The following SCN3A variants were observed in gnomAD, a reference collection of about 807,000 sequenced individuals.
The protein encoded by SCN3A is sodium voltage-gated channel alpha subunit 3.
A neutral mutation model predicts 187.6 loss-of-function variants in SCN3A; 60 were observed. The observed-to-expected ratio is 0.32, with a 90% CI of 0.26 to 0.40. SCN3A has a LOEUF of 0.40. SCN3A is among the 10% of genes least tolerant of loss of function. The probability of loss-of-function intolerance (pLI) is 1.00; values close to 1 mark genes in which losing one functional copy is unlikely to be tolerated. For synonymous variants in SCN3A, 788 were observed against 829.2 expected (o/e 0.95, Z 0.85); for missense variants, 1,601 against 2,428.2 (o/e 0.66, Z 7.16).
intron 21 of SCN3A, among the ~76,000 whole-genome samples, chr2:165,112,435 T>G (rs745356392): frequency 8.5e-5 from 13 of 152,244 alleles, no homozygotes; most frequent in African/African-American, 9.6e-5. Context: ...TGGGTTAATT[T>G]CACAGTATTT....
Position 165,144,321 on chromosome 2 carries a change from A to G in SCN3A, c.1671+2418T>C, listed in dbSNP as rs557816652. 2.0e-5 allele frequency among the ~76,000 whole-genome samples: 3 copies of G among 148,156 alleles called. No homozygotes were observed. The Admixed American group carries it at 2.0e-4, about 10-fold the overall frequency. The stretch of plus-strand genomic sequence containing the variant: ...TTAAAACTAATAGATTATTTCCTTC[A>G]CTTTTGAAATTATCCATCTATCTTC... On this transcript the variant is annotated intron_variant, in intron 12 of 27. Transcript: ENST00000283254.
intron 5 of SCN3A, among the ~76,000 whole-genome samples, chr2:165,166,819 G>A (rs1427316994): frequency 1.3e-5 from 2 of 152,088 alleles, no homozygotes; most frequent in Non-Finnish European, 2.9e-5. Flanking sequence ...ACTTTCTAAA[G>A]CTAAGACTGC....
intron 25 of SCN3A, 48 bp from the exon 26 acceptor site, chr2:165,094,526 C>T (rs1685265081): frequency 8.2e-7 from 1 of 1,213,918 alleles, no homozygotes; most frequent in Non-Finnish European, 1.2e-6. Context: ...TCCAATAGTA[C>T]TTTCACAAAA....
intron 5 of SCN3A, among the ~76,000 whole-genome samples, chr2:165,166,417 G>A (rs1250087623): frequency 2.0e-5 from 3 of 152,148 alleles, no homozygotes; most frequent in Non-Finnish European, 1.5e-5. Flanking sequence ...TTCTGTCTAT[G>A]TTCCTGTAAC....
chr2:165,154,662 G>C lies in SCN3A; in HGVS notation c.1174-4C>G. On this transcript the variant is annotated splice_polypyrimidine_tract_variant and splice_region_variant and intron_variant, in intron 10 of 27. Transcript: ENST00000283254. ...TTTTCCCAGCAGCACGTAATGTCTA[G>C]GGGAAATGGGGGATAATTCCATCAG... is the stretch of plus-strand genomic sequence containing the variant. 6 of 1,608,260 alleles carry C rather than the reference G, an allele frequency of 3.7e-6. No individual in the cohort carries two copies. The highest frequency in any genetic ancestry group is 5.1e-6 in the Non-Finnish European group (6 of 1,174,724).
intron 12 of SCN3A, among the ~76,000 whole-genome samples, chr2:165,141,272 G>A (rs1687998982): frequency 6.6e-6 from 1 of 152,136 alleles, no homozygotes; most frequent in Non-Finnish European, 1.5e-5. Context: ...GGTGGATTGG[G>A]TTATCATAAT....
At chr2:165,175,037 A>G (rs1159967023) in intron 3 of SCN3A, among the ~76,000 whole-genome samples, 6 of 152,316 alleles carry the variant, frequency 3.9e-5, no homozygotes, top group African/African-American at 1.2e-4. Flanking sequence ...GGTAATCTGT[A>G]TGGATGTGCA....
intron 21 of SCN3A, among the ~76,000 whole-genome samples, chr2:165,104,069 TC>T (rs1477867806): frequency 1.3e-5 from 2 of 152,090 alleles, no homozygotes; most frequent in Non-Finnish European, 2.9e-5. Flanking sequence ...TAAACAATAA[TC>T]TAATTATTTT....
intron 9 of SCN3A, among the ~76,000 whole-genome samples, chr2:165,157,701 T>C (rs746458876): frequency 1.3e-5 from 2 of 152,244 alleles, no homozygotes; most frequent in Non-Finnish European, 2.9e-5. Context: ...CCAAAATTAT[T>C]TGAAATTATT....
chr2:165,181,868 A>G (rs894245215), intron 2 of SCN3A, among the ~76,000 whole-genome samples: 2 of 152,208 alleles, frequency 1.3e-5, no homozygotes, highest in Non-Finnish European at 2.9e-5. Flanking sequence ...ATTTCATCAT[A>G]CAGAATGTTA....
chr2:165,146,380 ATATGTGTGTGTGTGTGTGTGTG>A (rs1268332954), intron 12 of SCN3A, among the ~76,000 whole-genome samples: 1 of 90,512 alleles, frequency 1.1e-5, no homozygotes, highest in African/African-American at 3.7e-5. Context: ...ATATATATAT[ATATGTGTGTGTGTGTGTGTGTG>A]TGTGTGTGTG....
At chr2:165,093,970 C>T (rs1320022791) in intron 26 of SCN3A, 3 of 201,666 alleles carry the variant, frequency 1.5e-5, no homozygotes, top group South Asian at 9.2e-5. Context: ...TTTGATGACA[C>T]CTTTTCCCTT....
chr2:165,184,483 G>GAAAAAAAAAA (rs397986547), intron 2 of SCN3A, among the ~76,000 whole-genome samples: 1 of 59,568 alleles, frequency 1.7e-5, no homozygotes, highest in Non-Finnish European at 4.0e-5. Context: ...GTCTAGTTCA[G>GAAAAAAAAAA]AAAAAAAAAA....
chr2:165,160,562 A>T (rs573645165), intron 9 of SCN3A, among the ~76,000 whole-genome samples: 27 of 152,254 alleles, frequency 1.8e-4, no homozygotes, highest in Non-Finnish European at 8.8e-5. Flanking sequence ...CTTTTATGTT[A>T]ATCATCATCA....
intron 11 of SCN3A, among the ~76,000 whole-genome samples, chr2:165,151,426 G>C (rs1000549203): frequency 1.3e-5 from 2 of 152,086 alleles, no homozygotes; most frequent in South Asian, 4.2e-4. Context: ...TTCTGCTTCT[G>C]GCCAAAATTG....
chr2:165,130,327 G>C (rs1687235878), intron 16 of SCN3A, 31 bp from the exon 17 acceptor site: 1 of 1,599,578 alleles, frequency 6.3e-7, no homozygotes, highest in African/African-American at 1.3e-5. Flanking sequence ...GCTGTTAGTA[G>C]TAATCATAAT....
intron 1 of SCN3A, among the ~76,000 whole-genome samples, chr2:165,189,105 A>G (rs1403378614): frequency 6.6e-6 from 1 of 152,180 alleles, no homozygotes; most frequent in Admixed American, 6.5e-5. Context: ...GATCACATGA[A>G]TTTTGTTCTA....
At position 165,127,638 on chromosome 2, in the gene SCN3A, C is replaced by T; in HGVS notation, c.3386G>A (p.Ser1129Asn). The T allele has an allele frequency of 1.9e-6, 3 of 1,613,512 alleles. No individual in the cohort carries two copies. The highest frequency in any genetic ancestry group is 2.5e-6 in the Non-Finnish European group (3 of 1,179,614). Residue 1129 changes from serine to asparagine, a missense_variant, in exon 18 of 28, where the codon AGC becomes AAC. Ser to Asn is a conservative substitution (Grantham distance 46). Transcript: ENST00000283254. ...ATTTAAAAGCATTCTTACCTCTTTG[C>T]TTTCTTCTAGTTCTGACTCACTGCT... ...EFSSESELEE[S>N]KEKLNATSSS...
intron 11 of SCN3A, among the ~76,000 whole-genome samples, chr2:165,149,201 G>A (rs1200530638): frequency 6.7e-6 from 1 of 150,194 alleles, no homozygotes; most frequent in Non-Finnish European, 1.5e-5. Flanking sequence ...TTTTAGATGG[G>A]GTCTCACTCT....
Sources: gnomAD v4.1 joint callset for allele counts (sites outside exome capture counted in the v4.1 genomes callset) on GRCh38, gnomAD v4.1.1 for gene constraint, MANE v1.5 for transcripts, NCBI Gene and HGNC (gene_info 2026-07-23, HGNC 2026-07-21) for gene names.